LARGE1: variants seen among roughly 807,000 people sequenced by gnomAD.
LARGE1 encodes the protein xylosyl- and glucuronyltransferase LARGE1.
LARGE1 carries 43 observed loss-of-function variants against 87.6 expected under a neutral mutation model. The observed-to-expected ratio is 0.49, with a 90% confidence interval of 0.38 to 0.63. The LOEUF (loss-of-function observed/expected upper bound fraction) is 0.63. LARGE1 is among the 30% of genes least tolerant of loss of function. The pLI is 0.00. For missense variants in LARGE1, 802 were observed against 1,000.2 expected (o/e 0.80, Z 2.67); for synonymous variants, 434 against 394.6 (o/e 1.10, Z -1.18).
intron 6 of LARGE1, among the ~76,000 whole-genome samples, chr22:33,505,179 C>T (rs959551250): frequency 7.2e-5 from 11 of 152,212 alleles, no homozygotes; most frequent in African/African-American, 2.4e-4. Flanking sequence ...CTGTCCTCTC[C>T]CTGTGTCCCA....
intron 6 of LARGE1, among the ~76,000 whole-genome samples, chr22:33,506,493 G>A (rs5998972): frequency 2.2e-4 from 33 of 152,280 alleles, no homozygotes; most frequent in Middle Eastern, 3.4e-3. Flanking sequence ...AAGGGGCATG[G>A]AGCCAGATGA....
At chr22:33,154,213 G>C in the LARGE1 span, among the ~76,000 whole-genome samples, 2 of 151,278 alleles carry the variant, frequency 1.3e-5, no homozygotes, top group African/African-American at 4.9e-5. Context: ...AGCTACTGAA[G>C]TCAGGTTTAC....
At chr22:33,159,467 A>C (rs1921954652), downstream of LARGE1, among the ~76,000 whole-genome samples, 1 of 152,130 alleles carries the variant, frequency 6.6e-6, no homozygotes, top group Admixed American at 6.6e-5. Flanking sequence ...AATTTAAAAC[A>C]TTTTACCAGA....
intron 13 of LARGE1, among the ~76,000 whole-genome samples, chr22:33,280,637 A>G (rs568644220): frequency 4.5e-4 from 69 of 152,298 alleles, no homozygotes; most frequent in Non-Finnish European, 8.8e-4. Flanking sequence ...CACAGGGTGC[A>G]GTCAAGTTAC....
the LARGE1 span, among the ~76,000 whole-genome samples, chr22:33,089,371 C>CTTCTTCTTCTTCTTCTTCTTCTCCTT: frequency 1.3e-5 from 1 of 76,048 alleles, no homozygotes; most frequent in Non-Finnish European, 2.6e-5. Context: ...TTCTTCTTCT[C>CTTCTTCTTCTTCTTCTTCTTCTCCTT]CTTCTTCTTC....
At chr22:33,346,826 G>A (rs1409218824) in intron 9 of LARGE1, among the ~76,000 whole-genome samples, 1 of 152,156 alleles carries the variant, frequency 6.6e-6, no homozygotes, top group Non-Finnish European at 1.5e-5. Flanking sequence ...GATGATCCAA[G>A]TCTCTGATTT....
chr22:33,496,604 T>C (rs1076913), intron 6 of LARGE1, among the ~76,000 whole-genome samples: 88,039 of 151,990 alleles, frequency 0.58, 25,593 homozygotes, highest in Non-Finnish European at 0.6. Context: ...TGACCCGTTC[T>C]GTTTACGCTA....
At chr22:33,182,257 G>C (rs1462363869) in intron 11 of LARGE1, among the ~76,000 whole-genome samples, 1 of 151,986 alleles carries the variant, frequency 6.6e-6, no homozygotes, top group Non-Finnish European at 1.5e-5. Context: ...TATATATTAG[G>C]GTTCTACAGT....
chr22:33,500,012 G>C (rs1411711643), intron 6 of LARGE1, among the ~76,000 whole-genome samples: 1 of 152,122 alleles, frequency 6.6e-6, no homozygotes, highest in African/African-American at 2.4e-5. Context: ...GACCTCAGGT[G>C]ATCTGCCTGC....
intron 10 of LARGE1, among the ~76,000 whole-genome samples, chr22:33,330,167 T>C (rs1222767757): frequency 1.3e-5 from 2 of 152,172 alleles, no homozygotes; most frequent in East Asian, 1.9e-4. Flanking sequence ...TGGCTCTCTG[T>C]CTTTGGGAGA....
intron 6 of LARGE1, among the ~76,000 whole-genome samples, chr22:33,551,919 G>A (rs1420520853): frequency 3.3e-5 from 5 of 151,250 alleles, no homozygotes; most frequent in South Asian, 4.2e-4. Context: ...GTGTGAACCC[G>A]GGAGGCGGAG....
intron 12 of LARGE1, among the ~76,000 whole-genome samples, chr22:33,287,954 C>G (rs1440566445): frequency 6.6e-6 from 1 of 152,192 alleles, no homozygotes; most frequent in Admixed American, 6.6e-5. Flanking sequence ...AAGTCACTTT[C>G]ACTATTTTGA....
At chr22:33,126,750 A>G in the LARGE1 span, among the ~76,000 whole-genome samples, 2 of 152,372 alleles carry the variant, frequency 1.3e-5, no homozygotes, top group East Asian at 3.9e-4. Context: ...TGACATACAA[A>G]ATTGATGCAC....
chr22:33,246,297 G>A (rs1926754617), intron 11 of LARGE1, among the ~76,000 whole-genome samples: 1 of 152,156 alleles, frequency 6.6e-6, no homozygotes, highest in African/African-American at 2.4e-5. Context: ...TGGAAATTTT[G>A]CCAAATTCCT....
At chr22:33,391,850 A>G (rs2065539175) in intron 7 of LARGE1, among the ~76,000 whole-genome samples, 1 of 146,952 alleles carries the variant, frequency 6.8e-6, no homozygotes, top group South Asian at 2.2e-4. Context: ...GCTCACTGCA[A>G]CCTCTGCCTC....
intron 11 of LARGE1, among the ~76,000 whole-genome samples, chr22:33,315,826 C>T (rs1387630122): frequency 6.6e-6 from 1 of 152,096 alleles, no homozygotes; most frequent in African/African-American, 2.4e-5. Context: ...GACGGGGTTT[C>T]ACCATGTTGG....
chr22:33,184,256 A>G (rs1923355206), intron 11 of LARGE1, among the ~76,000 whole-genome samples: 1 of 151,548 alleles, frequency 6.6e-6, no homozygotes, highest in Admixed American at 6.6e-5. Context: ...TGTAGAGTAA[A>G]TAACCGGATT....
intron 6 of LARGE1, among the ~76,000 whole-genome samples, chr22:33,560,388 A>G (rs1335940361): frequency 6.6e-6 from 1 of 152,180 alleles, no homozygotes; most frequent in Non-Finnish European, 1.5e-5. Context: ...GGCAGTGCCC[A>G]TGTACGCTGG....
intron 1 of LARGE1, among the ~76,000 whole-genome samples, chr22:33,852,863 AAAAAAAAAAAAAAAAAGAAAG>A (rs1476168393): frequency 1.1e-5 from 1 of 90,946 alleles, no homozygotes; most frequent in Non-Finnish European, 2.0e-5. Flanking sequence ...CTCCAAAAAA[AAAAAAAAAAAAAAAAAGAAAG>A]AAAGAAAGAA....
Sources: allele counts gnomAD v4.1 joint callset (sites outside exome capture counted in the v4.1 genomes callset), GRCh38; gene constraint gnomAD v4.1.1; transcripts MANE v1.5; gene names NCBI Gene and HGNC (gene_info 2026-07-23, HGNC 2026-07-21).